The following NECAB1 variants were observed in gnomAD, a reference collection of about 807,000 sequenced individuals.
The protein encoded by NECAB1 is N-terminal EF-hand calcium binding protein 1, also known as N-terminal EF-hand calcium-binding protein 1.
In NECAB1, 29 loss-of-function variants were observed where a neutral mutation model predicts 57.5. The observed-to-expected ratio is 0.50, with a 90% CI of 0.38 to 0.69. The LOEUF is 0.69. Ranked by LOEUF, NECAB1 falls within the 30% of genes least tolerant of loss-of-function variation. The pLI is 0.00. For synonymous variants in NECAB1, 142 were observed against 147.7 expected (o/e 0.96, Z 0.28); for missense variants, 372 against 413.8 (o/e 0.90, Z 0.88).
chr8:90,839,455 G>A (rs540393393), intron 3 of NECAB1, among the ~76,000 whole-genome samples: 13 of 152,316 alleles, frequency 8.5e-5, no homozygotes, highest in African/African-American at 2.9e-4. Context: ...TGGTAAACAA[G>A]GGATTTATAG....
intron 5 of NECAB1, among the ~76,000 whole-genome samples, chr8:90,906,891 A>ATATATATATATATGTATGTATG (rs371995508): frequency 0.27 from 30,456 of 113,274 alleles, 4,467 homozygotes; most frequent in East Asian, 0.48. Flanking sequence ...ATATATATAT[A>ATATATATATATATGTATGTATG]TATATATATA....
In NECAB1 at chr8:90,821,607, T is replaced by C. The variant is rs574741659; in HGVS notation, c.125-3110T>C. On this transcript the variant is annotated intron_variant, in intron 2 of 12. Transcript: ENST00000417640. Reference sequence around the variant, plus strand: ...TTCCTTCACTAACCCCTATTTTTCATCTGTGTCTCATCACAAGTGCCACTT... The same window carrying C: ...TTCCTTCACTAACCCCTATTTTTCACCTGTGTCTCATCACAAGTGCCACTT... Among the ~76,000 whole-genome samples, 5 of 151,956 alleles carry C rather than the reference T, an allele frequency of 3.3e-5. No homozygotes were observed. The East Asian group carries it at 9.7e-4, about 29-fold the overall frequency.
intron 2 of NECAB1, among the ~76,000 whole-genome samples, chr8:90,823,356 A>G (rs903033620): frequency 5.9e-5 from 9 of 151,360 alleles, no homozygotes; most frequent in Non-Finnish European, 1.2e-4. Context: ...ACCTTCCAGG[A>G]CTATTTATAC....
intron 2 of NECAB1, among the ~76,000 whole-genome samples, chr8:90,802,537 G>C (rs1236705922): frequency 6.6e-6 from 1 of 152,130 alleles, no homozygotes; most frequent in Non-Finnish European, 1.5e-5. Context: ...GACAAATTTA[G>C]GATACAAAGG....
At chr8:90,856,304 TAGA>T (rs1191020615) in intron 3 of NECAB1, among the ~76,000 whole-genome samples, 5 of 152,252 alleles carry the variant, frequency 3.3e-5, no homozygotes, top group African/African-American at 1.2e-4. Flanking sequence ...CCAGAATGCA[TAGA>T]AGAATTTTTC....
At chr8:90,876,192 A>C (rs946799755) in intron 4 of NECAB1, among the ~76,000 whole-genome samples, 1 of 152,096 alleles carries the variant, frequency 6.6e-6, no homozygotes, top group African/African-American at 2.4e-5. Flanking sequence ...AGCAAGTCTG[A>C]GTGCTAGGAA....
At position 90,940,910 on chromosome 8, in the gene NECAB1, G is replaced by A. The variant is rs7018395; in HGVS notation, c.860+12G>A. The A allele has an allele frequency of 0.28, 426,401 of 1,546,426 alleles. 64,014 individuals carry two copies. The highest frequency in any genetic ancestry group is 0.58 in the East Asian group (24,012 of 41,058). ...AGTGGATGCTTGCGGTAAGTGCTCCGACTCCTGCACCTTAGGCCTTTGGCA... is the reference window on the plus strand; with the variant it reads ...AGTGGATGCTTGCGGTAAGTGCTCCAACTCCTGCACCTTAGGCCTTTGGCA... On this transcript the variant is annotated intron_variant, in intron 10 of 12. Coordinates refer to ENST00000417640, the MANE Select transcript of NECAB1 (RefSeq NM_022351.5).
chr8:90,831,834 T>C (rs986117958), intron 3 of NECAB1, among the ~76,000 whole-genome samples: 1 of 152,162 alleles, frequency 6.6e-6, no homozygotes, highest in Non-Finnish European at 1.5e-5. Context: ...TTAGTATAGA[T>C]GTTCTGGGAA....
intron 1 of NECAB1, among the ~76,000 whole-genome samples, chr8:90,795,991 T>A (rs1435197990): frequency 6.6e-6 from 1 of 152,188 alleles, no homozygotes; most frequent in East Asian, 1.9e-4. Flanking sequence ...ACTTAAAAAA[T>A]TTTTAAAAAA....
intron 1 of NECAB1, among the ~76,000 whole-genome samples, chr8:90,801,200 A>G (rs927555339): frequency 6.6e-6 from 1 of 152,134 alleles, no homozygotes; most frequent in Non-Finnish European, 1.5e-5. Flanking sequence ...CACATTCAAG[A>G]TAATAACTAT....
intron 5 of NECAB1, among the ~76,000 whole-genome samples, chr8:90,913,965 G>A (rs927543074): frequency 6.6e-6 from 1 of 152,154 alleles, no homozygotes; most frequent in African/African-American, 2.4e-5. Flanking sequence ...TGGGCAAGTC[G>A]GGTGGTAATG....
chr8:90,839,180 C>CA (rs1812415909), intron 3 of NECAB1, among the ~76,000 whole-genome samples: 1 of 152,066 alleles, frequency 6.6e-6, no homozygotes, highest in Non-Finnish European at 1.5e-5. Flanking sequence ...CTTTCTATAA[C>CA]AAAAACAGTT....
intron 2 of NECAB1, among the ~76,000 whole-genome samples, chr8:90,810,766 A>G (rs1021778736): frequency 1.3e-5 from 2 of 152,058 alleles, no homozygotes; most frequent in African/African-American, 4.8e-5. Context: ...AATAAAGGGA[A>G]CTCACCTTTG....
chr8:90,953,813 A>G (rs929431094), intron 12 of NECAB1, among the ~76,000 whole-genome samples: 4 of 152,208 alleles, frequency 2.6e-5, no homozygotes, highest in African/African-American at 9.6e-5. Context: ...TCACGCCTGT[A>G]ATCCCAGCAC....
chr8:90,792,664 C>T (rs1023952068), intron 1 of NECAB1, among the ~76,000 whole-genome samples: 1 of 152,164 alleles, frequency 6.6e-6, no homozygotes, highest in South Asian at 2.1e-4. Context: ...ACTTCGGTAT[C>T]GACTGCCTGC....
rs965145090 is a variant in NECAB1, at chr8:90,875,932, C to T, written c.259+3779C>T. Among the ~76,000 whole-genome samples the T allele has an allele frequency of 2.1e-4, 32 of 151,674 alleles. 1 individual carries two copies. Among genetic ancestry groups the T allele is most frequent in the African/African-American group, 7.0e-4 (29 of 41,226 alleles). On this transcript the variant is annotated intron_variant, in intron 4 of 12. Coordinates refer to ENST00000417640, the MANE Select transcript of NECAB1 (RefSeq NM_022351.5). ...GGCTGAGGCAGGAGAATGGCGTGAA[C>T]CCGGGAGGCGGAGCTTGCAGTGAGC...
At chr8:90,948,217 C>T (rs1810852655) in intron 10 of NECAB1, among the ~76,000 whole-genome samples, 1 of 152,162 alleles carries the variant, frequency 6.6e-6, no homozygotes, top group African/African-American at 2.4e-5. Context: ...CAGATCATTT[C>T]TGGGAATTTA....
chr8:90,818,364 A>C (rs1812091480), intron 2 of NECAB1, among the ~76,000 whole-genome samples: 1 of 151,952 alleles, frequency 6.6e-6, no homozygotes, highest in Non-Finnish European at 1.5e-5. Flanking sequence ...TTAGTGTCCT[A>C]AAGTTGAAGC....
At chr8:90,859,184 G>A (rs1812850070) in intron 3 of NECAB1, 1 of 152,224 alleles carries the variant, frequency 6.6e-6, no homozygotes, top group Non-Finnish European at 1.5e-5. Context: ...ATATAGCTGG[G>A]CAGCTGCTGG....
Sources: gnomAD v4.1 joint callset for allele counts (sites outside exome capture counted in the v4.1 genomes callset) on GRCh38, gnomAD v4.1.1 for gene constraint, MANE v1.5 for transcripts, NCBI Gene and HGNC (gene_info 2026-07-23, HGNC 2026-07-21) for gene names.